The following CYTH2 variants were observed in gnomAD, a reference collection of about 807,000 sequenced individuals.
CYTH2 encodes the protein cytohesin-2.
Under a neutral mutation model 55.4 loss-of-function variants are expected in CYTH2, and 24 were observed. The observed-to-expected ratio is 0.43, with a 90% confidence interval of 0.31 to 0.61. CYTH2 has a LOEUF of 0.61. Ranked by LOEUF, CYTH2 falls within the 20% of genes least tolerant of loss-of-function variation. CYTH2 has a pLI of 0.08. For missense variants in CYTH2, 378 were observed against 533.5 expected (o/e 0.71, Z 2.87); for synonymous variants, 221 against 209.6 (o/e 1.05, Z -0.47).
At chr19:48,472,060 A>T (rs1320874203) in intron 3 of CYTH2, among the ~76,000 whole-genome samples, 1 of 152,158 alleles carries the variant, frequency 6.6e-6, no homozygotes, top group East Asian at 1.9e-4. Context: ...TCTCAGAAAA[A>T]AGAGAAAATG....
chr19:48,481,491 G>GTTTT lies in CYTH2; in HGVS notation c.*2289_*2292dup. ...AGCACGCTTCTGATTTTTTTTGTAG[G>GTTTT]TTTTTTTTTTTGTTTTTTGTTTTGT... On this transcript the variant is annotated 3_prime_UTR_variant, in exon 12 of 12. Coordinates refer to ENST00000452733, the MANE Select transcript of CYTH2 (RefSeq NM_004228.7). 1.8e-5 allele frequency: 3 copies of GTTTT among 167,160 alleles called. No individual in the cohort carries two copies. The highest frequency in any genetic ancestry group is 3.8e-5 in the Non-Finnish European group (3 of 79,000). The allele number at this position is 167,160 out of a possible 1,614,324, so 10.4% of individuals were successfully genotyped here.
chr19:48,469,640 G>A, intron 1 of CYTH2, 114 bp downstream of exon 1: 1 of 1,376,254 alleles, frequency 7.3e-7, no homozygotes. Flanking sequence ...CGGCTCAGTC[G>A]TAGACTTGTC....
chr19:48,472,970 G>A, intron 4 of CYTH2: 1 of 343,820 alleles, frequency 2.9e-6, no homozygotes, highest in Non-Finnish European at 5.5e-6. Flanking sequence ...TCTGGGGGAT[G>A]TGGGGGCTGT....
chr19:48,478,884 G>A (rs1197439684), intron 11 of CYTH2, among the ~76,000 whole-genome samples: 1 of 147,914 alleles, frequency 6.8e-6, no homozygotes, highest in Non-Finnish European at 1.5e-5. Context: ...AGGAGGGGCC[G>A]GGGGCCTGGA....
In CYTH2 at chr19:48,480,022, C is replaced by T. The variant is rs1454561793; in HGVS notation, c.*812C>T. ...TTGTGTCAAGGATAGGGCTGAGGAC[C>T]TGCGTTCTGAACGTCTTTCCTGGGA... On this transcript the variant is annotated 3_prime_UTR_variant, in exon 12 of 12. Coordinates refer to ENST00000452733, the MANE Select transcript of CYTH2 (RefSeq NM_004228.7). 1 of 152,272 alleles carries T rather than the reference C, an allele frequency of 6.6e-6. No individual in the cohort carries two copies. The highest frequency in any genetic ancestry group is 1.5e-5 in the Non-Finnish European group (1 of 68,080). The allele number at this position is 152,272 out of a possible 1,614,324, so 9.4% of individuals were successfully genotyped here. A position where few individuals can be genotyped will look rare whatever the true frequency, so the allele number is the denominator to read the frequency against.
chr19:48,473,817 T>G, intron 5 of CYTH2, 88 bp from the exon 6 acceptor site: 1 of 1,070,972 alleles, frequency 9.3e-7, no homozygotes. Context: ...TCGGGATTCC[T>G]CGTGGACCAG....
At chr19:48,469,668 C>A in intron 1 of CYTH2, 142 bp downstream of exon 1, 1 of 1,278,912 alleles carries the variant, frequency 7.8e-7, no homozygotes, top group Non-Finnish European at 1.0e-6. Context: ...TTTTGTTGGG[C>A]GCTGGACGGG....
chr19:48,470,087 A>G, intron 1 of CYTH2: 1 of 670,054 alleles, frequency 1.5e-6, no homozygotes, highest in Non-Finnish European at 2.8e-6. Context: ...TTCTTCCCTC[A>G]GATCTAAGAG....
intron 3 of CYTH2, among the ~76,000 whole-genome samples, chr19:48,470,944 G>A (rs1401305569): frequency 6.6e-6 from 1 of 152,112 alleles, no homozygotes; most frequent in Admixed American, 6.5e-5. Context: ...AGATGAGCTC[G>A]AGTCTTGTAG....
At chr19:48,473,654 T>C (rs1971848754) in intron 5 of CYTH2, 1 of 594,820 alleles carries the variant, frequency 1.7e-6, no homozygotes, top group Non-Finnish European at 3.0e-6. Context: ...CCCGCTTACC[T>C]GATAACAAGC....
intron 4 of CYTH2, chr19:48,472,668 A>G: frequency 1.7e-6 from 1 of 588,480 alleles, no homozygotes; most frequent in African/African-American, 1.8e-5. Context: ...TTCTGGAATT[A>G]CCTGGCAGTT....
intron 8 of CYTH2, 39 bp from the exon 9 acceptor site, chr19:48,478,030 C>G (rs767842853): frequency 9.6e-6 from 15 of 1,563,418 alleles, no homozygotes; most frequent in Non-Finnish European, 1.3e-5. Flanking sequence ...CCCTGTCCCC[C>G]TGTTGAGCCC....
At position 48,478,971 on chromosome 19, in the gene CYTH2, G is replaced by C. The variant is rs180910510; in HGVS notation, c.1113-152G>C. ...GGAGGAGGGGCCGGGGGCCTGGACT[G>C]CTGGGTCTGAGGGAGGAGGGGCCGG... On this transcript the variant is annotated intron_variant, in intron 11 of 11. Transcript: ENST00000452733. 286 of 648,408 alleles carry C rather than the reference G, an allele frequency of 4.4e-4. 4 individuals carry two copies. The African/African-American group carries it at 5.1e-3, about 11-fold the overall frequency. 40.2% of individuals were successfully genotyped at this position (648,408 alleles called of 1,614,324 possible). A position where few individuals can be genotyped will look rare whatever the true frequency, so the allele number is the denominator to read the frequency against.
At position 48,480,353 on chromosome 19, in the gene CYTH2, G is replaced by C. The variant is rs932748937; in HGVS notation, c.*1143G>C. 9 of 152,240 alleles carry C rather than the reference G, an allele frequency of 5.9e-5. No homozygotes were observed. Among genetic ancestry groups the C allele is most frequent in the Non-Finnish European group, 1.5e-5 (1 of 68,044 alleles). The allele number at this position is 152,240 out of a possible 1,614,324, so 9.4% of individuals were successfully genotyped here. A position where few individuals can be genotyped will look rare whatever the true frequency, so the allele number is the denominator to read the frequency against. On this transcript the variant is annotated 3_prime_UTR_variant, in exon 12 of 12. Coordinates refer to ENST00000452733, the MANE Select transcript of CYTH2 (RefSeq NM_004228.7). ...CCTGTGGCCCCGAGGCGTGCCGCGA[G>C]TTGTAGTCCCTCCTGCCCGCTGTGT...
chr19:48,469,428 A>G lies in CYTH2; in HGVS notation c.-80A>G. 1.5e-6 allele frequency: 2 copies of G among 1,300,804 alleles called. No individual in the cohort carries two copies. Among genetic ancestry groups the G allele is most frequent in the South Asian group, 2.3e-5 (1 of 44,004 alleles). 80.6% of individuals were successfully genotyped at this position (1,300,804 alleles called of 1,614,324 possible). On this transcript the variant is annotated 5_prime_UTR_variant, in exon 1 of 12. Transcript: ENST00000452733. ...GCTCCCGGGGCGTTTGAGCGGGCTC[A>G]CCCGAGCCCGCGGGCCAACGCGGAT...
intron 1 of CYTH2, chr19:48,469,766 T>C (rs1380707119): frequency 4.2e-6 from 2 of 478,798 alleles, no homozygotes; most frequent in Non-Finnish European, 6.8e-6. Context: ...CGGGATGGAG[T>C]GGTGGAGGCG....
chr19:48,469,497 T>C lies in CYTH2; in HGVS notation c.-11T>C. 1 of 1,329,902 alleles carries C rather than the reference T, an allele frequency of 7.5e-7. No individual in the cohort carries two copies. The highest frequency in any genetic ancestry group is 2.0e-5 in the South Asian group (1 of 49,482). 82.4% of individuals were successfully genotyped at this position (1,329,902 alleles called of 1,614,324 possible). ...ACCGCCCCGGATTCCCCGCGGGCCT[T>C]CCTAGCCGCCATGGAGGACGGCGTC... On this transcript the variant is annotated 5_prime_UTR_variant, in exon 1 of 12. Coordinates refer to ENST00000452733, the MANE Select transcript of CYTH2 (RefSeq NM_004228.7).
At chr19:48,473,427 C>T in intron 5 of CYTH2, 49 bp downstream of exon 5, 1 of 1,576,306 alleles carries the variant, frequency 6.3e-7, no homozygotes, top group Non-Finnish European at 8.7e-7. Context: ...CCTGTCAGGG[C>T]CTTCCTAGTT....
chr19:48,478,502 C>T lies in CYTH2; in HGVS notation c.1022C>T (p.Ala341Val), dbSNP rs760096318. ...CTCATCAAAGCCTGCAAAACTGAGGCGGACGGCCGAGTGGTGGAGGGAAAC... is the reference window on the plus strand; with the variant it reads ...CTCATCAAAGCCTGCAAAACTGAGGTGGACGGCCGAGTGGTGGAGGGAAAC... The part of the protein sequence containing the change: ...GQLIKACKTE[A>V]DGRVVEGNHM... The change falls in exon 11 of 12, where the codon GCG becomes GTG. Residue 341 changes from alanine to valine, a missense_variant. By Grantham distance (64) the Ala-to-Val change is moderately conservative. Transcript: ENST00000452733. The T allele has an allele frequency of 4.3e-6, 7 of 1,614,138 alleles. No individual in the cohort carries two copies. The highest frequency in any genetic ancestry group is 1.1e-5 in the South Asian group (1 of 91,086).
Sources: allele counts gnomAD v4.1 joint callset (sites outside exome capture counted in the v4.1 genomes callset), GRCh38; gene constraint gnomAD v4.1.1; transcripts MANE v1.5; gene names NCBI Gene and HGNC (gene_info 2026-07-23, HGNC 2026-07-21).